Variants in FANCC observed in about 807,000 individuals in gnomAD.
The protein encoded by FANCC is FA complementation group C.
FANCC carries 55 observed loss-of-function variants against 71.3 expected under a neutral mutation model. That is an observed-to-expected ratio of 0.77 (90% CI 0.62 to 0.97). The LOEUF is 0.97. Ranked by LOEUF, FANCC falls within the 50% of genes least tolerant of loss-of-function variation. The pLI is 0.00. For synonymous variants in FANCC, 275 were observed against 244.9 expected (o/e 1.12, Z -1.15); for missense variants, 678 against 670.9 (o/e 1.01, Z -0.12).
At chr9:95,301,944 C>T (rs1346146133) in intron 1 of FANCC, among the ~76,000 whole-genome samples, 3 of 149,070 alleles carry the variant, frequency 2.0e-5, no homozygotes, top group African/African-American at 4.9e-5. Context: ...TAGCCAGGCG[C>T]GGTGGCGGGC....
chr9:95,292,533 G>C, intron 1 of FANCC: 3 of 1,489,368 alleles, frequency 2.0e-6, no homozygotes, highest in South Asian at 2.5e-5. Context: ...GCTGGCGGGG[G>C]AGCTGATCCA....
At chr9:95,109,080 CTTTA>C (rs915572322) in intron 13 of FANCC, among the ~76,000 whole-genome samples, 1 of 151,956 alleles carries the variant, frequency 6.6e-6, no homozygotes, top group Non-Finnish European at 1.5e-5. Flanking sequence ...TGGCTAATTT[CTTTA>C]TTTATTTTTT....
At chr9:95,183,886 T>C (rs1826539960) in intron 4 of FANCC, among the ~76,000 whole-genome samples, 1 of 152,232 alleles carries the variant, frequency 6.6e-6, no homozygotes, top group Non-Finnish European at 1.5e-5. Context: ...CCTGCAAAAC[T>C]GGTTAGTAAA....
intron 4 of FANCC, among the ~76,000 whole-genome samples, chr9:95,188,527 A>C (rs1826875489): frequency 6.6e-6 from 1 of 152,212 alleles, no homozygotes; most frequent in Non-Finnish European, 1.5e-5. Flanking sequence ...AGTTCCTAGA[A>C]GGGAGAAATT....
chr9:95,280,054 G>A (rs1163127335), intron 1 of FANCC, among the ~76,000 whole-genome samples: 8 of 151,446 alleles, frequency 5.3e-5, no homozygotes, highest in African/African-American at 1.7e-4. Flanking sequence ...ACACTTTAGA[G>A]TGAAAAATAC....
At chr9:95,291,489 A>C (rs1045785102) in intron 1 of FANCC, among the ~76,000 whole-genome samples, 8 of 151,310 alleles carry the variant, frequency 5.3e-5, no homozygotes, top group East Asian at 3.9e-4. Context: ...AATACCTGCC[A>C]AAAAAAAAGA....
At chr9:95,292,919 C>A (rs1361711176) in intron 1 of FANCC, 2 of 1,579,776 alleles carry the variant, frequency 1.3e-6, no homozygotes, top group East Asian at 2.2e-5. Flanking sequence ...GGTGCACATG[C>A]GGCTGTCCCT....
intron 1 of FANCC, among the ~76,000 whole-genome samples, chr9:95,254,877 T>C (rs1831563974): frequency 6.6e-6 from 1 of 152,156 alleles, no homozygotes; most frequent in African/African-American, 2.4e-5. Context: ...CCTGGGATGC[T>C]TGAGCTTGGT....
chr9:95,239,631 T>C (rs1471849819), intron 4 of FANCC, among the ~76,000 whole-genome samples: 2 of 152,246 alleles, frequency 1.3e-5, no homozygotes, highest in South Asian at 2.1e-4. Flanking sequence ...ATTCTACTTA[T>C]CTGTTCCTTT....
chr9:95,308,912 G>T (rs1451637100), intron 1 of FANCC, among the ~76,000 whole-genome samples: 1 of 152,124 alleles, frequency 6.6e-6, no homozygotes, highest in Non-Finnish European at 1.5e-5. Context: ...GGAGGCTCAG[G>T]TGGGAGGATC....
At chr9:95,265,001 G>C (rs1832301803) in intron 1 of FANCC, among the ~76,000 whole-genome samples, 1 of 144,062 alleles carries the variant, frequency 6.9e-6, no homozygotes. Context: ...TTTTTTGAAA[G>C]TCACAATAAA....
chr9:95,150,038 T>C lies in FANCC; in HGVS notation c.571A>G (p.Ile191Val), dbSNP rs752429169. The C allele has an allele frequency of 6.2e-7, 1 of 1,614,042 alleles. No individual in the cohort carries two copies. Among genetic ancestry groups the C allele is most frequent in the Admixed American group, 1.7e-5 (1 of 60,008 alleles). The change falls in exon 7 of 15, where the codon ATT (isoleucine) becomes GTT (valine). Residue 191 changes from isoleucine to valine, a missense_variant. Coordinates refer to ENST00000289081, the MANE Select transcript of FANCC (RefSeq NM_000136.3). ...ASLSRVCVPL[I>V]TLTDVDPLVE... ...AGGGGGTCAACATCTGTCAGGGTAATAAGTGGGACACAAACTCGTGACAGG... is the reference window on the plus strand; with the variant it reads ...AGGGGGTCAACATCTGTCAGGGTAACAAGTGGGACACAAACTCGTGACAGG...
At chr9:95,260,684 T>TAAAAAA (rs542398381) in intron 1 of FANCC, among the ~76,000 whole-genome samples, 9 of 130,214 alleles carry the variant, frequency 6.9e-5, no homozygotes, top group African/African-American at 1.4e-4. Context: ...GAACTTAAAA[T>TAAAAAA]ATAAAAAAAA....
chr9:95,162,445 G>A (rs1830807382), intron 6 of FANCC, among the ~76,000 whole-genome samples: 1 of 152,120 alleles, frequency 6.6e-6, no homozygotes. Context: ...TAGAGATTTT[G>A]TTCCCAATTA....
At chr9:95,137,877 C>T (rs1827947184) in intron 7 of FANCC, among the ~76,000 whole-genome samples, 1 of 152,200 alleles carries the variant, frequency 6.6e-6, no homozygotes, top group Non-Finnish European at 1.5e-5. Flanking sequence ...GCCGGGCAGG[C>T]CCTGGATGGC....
intron 6 of FANCC, among the ~76,000 whole-genome samples, chr9:95,167,139 C>T (rs1825352817): frequency 6.6e-6 from 1 of 151,964 alleles, no homozygotes; most frequent in African/African-American, 2.4e-5. Context: ...ATGTATCATC[C>T]CACTCCTTTC....
intron 1 of FANCC, among the ~76,000 whole-genome samples, chr9:95,298,662 A>G (rs1441658753): frequency 6.6e-6 from 1 of 152,222 alleles, no homozygotes; most frequent in African/African-American, 2.4e-5. Flanking sequence ...GCTGAGATCA[A>G]TTAGCAGACC....
intron 11 of FANCC, 89 bp downstream of exon 11, chr9:95,117,226 G>A (rs981515462): frequency 8.0e-6 from 9 of 1,121,504 alleles, no homozygotes; most frequent in Admixed American, 7.2e-5. Context: ...CCCTCATGCT[G>A]TAGATAAGGG....
chr9:95,310,278 G>C (rs991948990), intron 1 of FANCC, among the ~76,000 whole-genome samples: 2 of 151,576 alleles, frequency 1.3e-5, no homozygotes, highest in Non-Finnish European at 1.5e-5. Flanking sequence ...GAGGTGGCAT[G>C]ATTCCTGGAG....
Sources: allele counts gnomAD v4.1 joint callset (sites outside exome capture counted in the v4.1 genomes callset), GRCh38; gene constraint gnomAD v4.1.1; transcripts MANE v1.5; gene names NCBI Gene and HGNC (gene_info 2026-07-23, HGNC 2026-07-21).